The following CSMD1 variants were observed in gnomAD, a reference collection of about 807,000 sequenced individuals.
The protein encoded by CSMD1 is CUB and sushi domain-containing protein 1.
CSMD1 carries 213 observed loss-of-function variants against 417.5 expected under a neutral mutation model. The ratio of observed to expected loss-of-function variants is 0.51; its 90% CI spans 0.46 to 0.57. The LOEUF is 0.57. Among genes scored for constraint, CSMD1 ranks in the 20% least tolerant of loss-of-function variants. The pLI is 0.00. For synonymous variants in CSMD1, 2,862 were observed against 1,736.8 expected, an observed-to-expected ratio of 1.65 and a Z score of -16.11; for missense variants, 6,923 against 4,529.7, an observed-to-expected ratio of 1.53 and a Z score of -15.17.
At chr8:3,330,161 A>G (rs1001862711) in intron 23 of CSMD1, among the ~76,000 whole-genome samples, 3 of 152,140 alleles carry the variant, frequency 2.0e-5, no homozygotes, top group Admixed American at 6.5e-5. Context: ...TTCTCCTTAC[A>G]TTGATAAACT....
In CSMD1 at chr8:3,253,067, C is replaced by G. The variant is rs149523367; in HGVS notation, c.4154-22836G>C. 4.6e-3 allele frequency among the ~76,000 whole-genome samples: 699 copies of G among 152,030 alleles called. 12 individuals carry two copies. The highest frequency in any genetic ancestry group is 0.016 in the African/African-American group (676 of 41,492). ...TATTTTAGTTATTTCTTTCCTTCTG[C>G]TAGCTTTTGAGTATGTTTGCTCTTG... On this transcript the variant is annotated intron_variant, in intron 26 of 69. Transcript: ENST00000635120.
intron 2 of CSMD1, among the ~76,000 whole-genome samples, chr8:4,579,114 A>G (rs1031586981): frequency 2.0e-5 from 3 of 152,002 alleles, no homozygotes; most frequent in Admixed American, 6.6e-5. Flanking sequence ...ACAATAAAAC[A>G]TGCAGGAAGA....
chr8:4,461,145 G>C (rs563468143), intron 2 of CSMD1, among the ~76,000 whole-genome samples: 6 of 118,264 alleles, frequency 5.1e-5, no homozygotes, highest in South Asian at 3.5e-4. Context: ...ATAAAATAAA[G>C]TCAGCTGATT....
intron 7 of CSMD1, among the ~76,000 whole-genome samples, chr8:3,618,381 A>C (rs986838034): frequency 2.0e-5 from 3 of 152,196 alleles, no homozygotes; most frequent in Non-Finnish European, 4.4e-5. Flanking sequence ...TCTATTGAAT[A>C]TATTATGTGG....
At chr8:4,189,108 G>C (rs1311099647) in intron 3 of CSMD1, among the ~76,000 whole-genome samples, 1 of 152,184 alleles carries the variant, frequency 6.6e-6, no homozygotes, top group African/African-American at 2.4e-5. Flanking sequence ...TCACGTTTTG[G>C]TTTACTCAAA....
chr8:4,130,061 C>T (rs188437424), intron 3 of CSMD1, among the ~76,000 whole-genome samples: 18 of 152,208 alleles, frequency 1.2e-4, no homozygotes, highest in South Asian at 4.2e-4. Flanking sequence ...AGAAAATGAT[C>T]GAACCTCCTG....
intron 1 of CSMD1, among the ~76,000 whole-genome samples, chr8:4,883,510 T>G (rs1041573185): frequency 1.3e-5 from 2 of 152,114 alleles, no homozygotes; most frequent in Admixed American, 1.3e-4. Flanking sequence ...AACCAGATGT[T>G]GACAACCACT....
chr8:4,282,270 G>A (rs953215129), intron 3 of CSMD1, among the ~76,000 whole-genome samples: 11 of 152,154 alleles, frequency 7.2e-5, no homozygotes, highest in Non-Finnish European at 1.5e-4. Context: ...ATGTGAACCT[G>A]TCATTTTACA....
intron 11 of CSMD1, among the ~76,000 whole-genome samples, chr8:3,473,974 G>T (rs1052299120): frequency 6.6e-6 from 1 of 152,104 alleles, no homozygotes; most frequent in African/African-American, 2.4e-5. Flanking sequence ...AAAACCATCA[G>T]ATCTAGTAAA....
chr8:4,667,870 G>A (rs938326647), intron 1 of CSMD1, among the ~76,000 whole-genome samples: 19 of 152,076 alleles, frequency 1.2e-4, no homozygotes, highest in African/African-American at 4.3e-4. Flanking sequence ...TTAATGCACG[G>A]CTAAAACTGC....
intron 3 of CSMD1, among the ~76,000 whole-genome samples, chr8:4,183,523 C>G (rs561061993): frequency 6.6e-6 from 1 of 152,144 alleles, no homozygotes; most frequent in East Asian, 1.9e-4. Context: ...ACAGACATTA[C>G]TGGTTTATTT....
intron 7 of CSMD1, among the ~76,000 whole-genome samples, chr8:3,686,918 G>A (rs1359995605): frequency 6.6e-6 from 1 of 152,160 alleles, no homozygotes; most frequent in African/African-American, 2.4e-5. Flanking sequence ...GGACAGAGTA[G>A]AGCTTTGTCT....
chr8:4,539,413 A>C (rs760572892), intron 2 of CSMD1, among the ~76,000 whole-genome samples: 4 of 152,192 alleles, frequency 2.6e-5, no homozygotes, highest in Non-Finnish European at 4.4e-5. Flanking sequence ...CATTTCATTT[A>C]TGATGGCATT....
At chr8:4,104,429 C>A (rs1042799704) in intron 3 of CSMD1, among the ~76,000 whole-genome samples, 3 of 143,512 alleles carry the variant, frequency 2.1e-5, no homozygotes, top group African/African-American at 7.8e-5. Context: ...CACACATGCG[C>A]ACACGCATGC....
rs1563318828 is a variant in CSMD1, at chr8:3,369,311, C to G, written c.2842G>C (p.Asp948His). Reference protein sequence around the residue: ...SGTVLSPGFPDFYPNSLNCTW... With the variant: ...SGTVLSPGFPHFYPNSLNCTW... ...CAGTTTAGAGAGTTTGGATAAAAAT[C>G]TGGAAACCCAGGAGAAAGGACTGTT... The change falls in exon 19 of 70, where the codon GAT (aspartate) becomes CAT (histidine). Residue 948 changes from aspartate to histidine, a missense_variant. Asp to His is a moderately conservative substitution (Grantham distance 81). Coordinates refer to ENST00000635120, the MANE Select transcript of CSMD1 (RefSeq NM_033225.6). 1.9e-6 allele frequency: 3 copies of G among 1,609,098 alleles called. No homozygotes were observed. Among genetic ancestry groups the G allele is most frequent in the Admixed American group, 1.7e-5 (1 of 59,954 alleles).
intron 5 of CSMD1, among the ~76,000 whole-genome samples, chr8:3,959,704 T>C (rs1382321805): frequency 1.3e-5 from 2 of 152,184 alleles, no homozygotes; most frequent in East Asian, 1.9e-4. Flanking sequence ...TTATATGATA[T>C]ACCTGAACAC....
chr8:3,080,169 G>T lies in CSMD1; in HGVS notation c.7474+6928C>A, dbSNP rs879032652. ...CTTGAAAGTAAATAGCTGCCTGGGA[G>T]TTGCTCTCTCTTTGACCAGGGAACT... On this transcript the variant is annotated intron_variant, in intron 49 of 69. Transcript: ENST00000635120. 2.0e-5 allele frequency among the ~76,000 whole-genome samples: 3 copies of T among 152,198 alleles called. 1 individual carries two copies. Among genetic ancestry groups the T allele is most frequent in the Admixed American group, 2.0e-4 (3 of 15,282 alleles).
intron 37 of CSMD1, among the ~76,000 whole-genome samples, chr8:3,170,116 C>T (rs1440430055): frequency 6.6e-6 from 1 of 152,266 alleles, no homozygotes; most frequent in Non-Finnish European, 1.5e-5. Flanking sequence ...CTGCTAGAAG[C>T]ACCCTTCTGC....
intron 1 of CSMD1, among the ~76,000 whole-genome samples, chr8:4,692,226 A>G (rs1336364782): frequency 1.3e-5 from 2 of 152,104 alleles, no homozygotes; most frequent in Non-Finnish European, 2.9e-5. Context: ...GACCTCACTC[A>G]AGTCCTCTGC....
Sources: allele counts gnomAD v4.1 joint callset (sites outside exome capture counted in the v4.1 genomes callset), GRCh38; gene constraint gnomAD v4.1.1; transcripts MANE v1.5; gene names NCBI Gene and HGNC (gene_info 2026-07-23, HGNC 2026-07-21).